EEFSEC: variants seen among roughly 807,000 people sequenced by gnomAD.
The protein encoded by EEFSEC is eukaryotic elongation factor, selenocysteine-tRNA specific.
In EEFSEC, 43 loss-of-function variants were observed where a neutral mutation model predicts 42.1. That is an observed-to-expected ratio of 1.02 (90% CI 0.80 to 1.32). EEFSEC has a LOEUF of 1.32. EEFSEC is among the 40% of genes most tolerant of loss of function. The probability of loss-of-function intolerance (pLI) is 0.00; values close to 1 mark genes in which losing one functional copy is unlikely to be tolerated. For missense variants in EEFSEC, 745 were observed against 803.6 expected (o/e 0.93, Z 0.88); for synonymous variants, 354 against 339.1 (o/e 1.04, Z -0.48).
At chr3:128,392,552 G>A (rs56163929) in intron 6 of EEFSEC, among the ~76,000 whole-genome samples, 2 of 152,154 alleles carry the variant, frequency 1.3e-5, no homozygotes, top group South Asian at 2.1e-4. Flanking sequence ...CGAGGCACGC[G>A]GCATCTCGCT....
intron 1 of EEFSEC, among the ~76,000 whole-genome samples, chr3:128,154,271 C>G (rs1304002478): frequency 6.6e-6 from 1 of 152,000 alleles, no homozygotes. Context: ...AAAGGCTCCA[C>G]GTCAATACAA....
At chr3:128,278,379 G>T (rs2066490187) in intron 4 of EEFSEC, among the ~76,000 whole-genome samples, 1 of 152,216 alleles carries the variant, frequency 6.6e-6, no homozygotes. Context: ...CCAGATCTCT[G>T]GCTTCAGTGA....
intron 4 of EEFSEC, among the ~76,000 whole-genome samples, chr3:128,305,497 T>G (rs2066816780): frequency 6.6e-6 from 1 of 152,194 alleles, no homozygotes; most frequent in African/African-American, 2.4e-5. Context: ...AATTTGATAC[T>G]TTTTGGGGGT....
the EEFSEC span, among the ~76,000 whole-genome samples, chr3:128,425,328 G>T: frequency 6.6e-6 from 1 of 152,204 alleles, no homozygotes; most frequent in South Asian, 2.1e-4. Flanking sequence ...GCTTGTGGCT[G>T]CACGTCCCAG....
intron 6 of EEFSEC, among the ~76,000 whole-genome samples, chr3:128,369,392 T>C (rs1318474206): frequency 6.6e-6 from 1 of 152,202 alleles, no homozygotes; most frequent in Non-Finnish European, 1.5e-5. Flanking sequence ...TAAAATGTGC[T>C]CTCTCCAACC....
intron 4 of EEFSEC, among the ~76,000 whole-genome samples, chr3:128,276,766 G>A (rs551029521): frequency 6.6e-6 from 1 of 152,278 alleles, no homozygotes; most frequent in South Asian, 2.1e-4. Flanking sequence ...AGGCGATTGA[G>A]AATGGGAGGG....
chr3:128,211,691 T>C (rs941084922), intron 1 of EEFSEC, among the ~76,000 whole-genome samples: 1 of 151,024 alleles, frequency 6.6e-6, no homozygotes, highest in Non-Finnish European at 1.5e-5. Flanking sequence ...AATTTTTGTA[T>C]TTTTTGTAGA....
chr3:128,189,558 CTTT>C (rs3037702), intron 1 of EEFSEC, among the ~76,000 whole-genome samples: 44 of 137,142 alleles, frequency 3.2e-4, no homozygotes, highest in Admixed American at 8.0e-4. Flanking sequence ...GACTTCTTTT[CTTT>C]TTTTTTTTTT....
In EEFSEC at chr3:128,246,930, C is replaced by T; in HGVS notation, c.411C>T (p.Ala137=). The T allele has an allele frequency of 3.1e-6, 5 of 1,614,200 alleles. No homozygotes were observed. The highest frequency in any genetic ancestry group is 4.2e-6 in the Non-Finnish European group (5 of 1,180,034). ...SAECLVIGQI[A]CQKLVVVLNK... ...AATGCCTTGTGATCGGCCAGATTGC[C>T]TGCCAGAAGCTGGTCGTGGTGCTGA... Residue 137 remains alanine (A), a synonymous_variant, in exon 2 of 7, where the codon GCC becomes GCT. Coordinates refer to ENST00000254730, the MANE Select transcript of EEFSEC (RefSeq NM_021937.5).
chr3:128,307,287 G>A (rs970229278), intron 4 of EEFSEC, among the ~76,000 whole-genome samples: 1 of 152,246 alleles, frequency 6.6e-6, no homozygotes, highest in African/African-American at 2.4e-5. Flanking sequence ...ATGACACCCA[G>A]TTCAGAGTCC....
At chr3:128,206,106 A>G (rs1488528700) in intron 1 of EEFSEC, among the ~76,000 whole-genome samples, 5 of 152,176 alleles carry the variant, frequency 3.3e-5, no homozygotes, top group Admixed American at 2.0e-4. Context: ...TTCATTTTAT[A>G]TCCTATGTTC....
intron 6 of EEFSEC, among the ~76,000 whole-genome samples, chr3:128,395,891 A>T (rs1252688071): frequency 6.6e-6 from 1 of 152,108 alleles, no homozygotes; most frequent in African/African-American, 2.4e-5. Flanking sequence ...TATTCCCACC[A>T]TCCCTCACCC....
chr3:128,310,736 T>G (rs1253935450), intron 4 of EEFSEC, among the ~76,000 whole-genome samples: 2 of 152,246 alleles, frequency 1.3e-5, no homozygotes, highest in Non-Finnish European at 2.9e-5. Flanking sequence ...CCTTTTCACT[T>G]GAAAACCACT....
At chr3:128,236,499 A>C (rs758625612) in intron 1 of EEFSEC, among the ~76,000 whole-genome samples, 1 of 152,244 alleles carries the variant, frequency 6.6e-6, no homozygotes, top group Non-Finnish European at 1.5e-5. Flanking sequence ...TCAACATGTT[A>C]GCTCTTTGTA....
intron 1 of EEFSEC, among the ~76,000 whole-genome samples, chr3:128,209,827 G>A (rs2065737383): frequency 6.6e-6 from 1 of 152,224 alleles, no homozygotes; most frequent in African/African-American, 2.4e-5. Flanking sequence ...GTAATAAGTA[G>A]ATTATGTCCC....
chr3:128,349,105 C>T (rs1295616751), intron 5 of EEFSEC, among the ~76,000 whole-genome samples: 1 of 152,182 alleles, frequency 6.6e-6, no homozygotes, highest in Non-Finnish European at 1.5e-5. Flanking sequence ...CATTCCAGGT[C>T]CAGGGACTGC....
the EEFSEC span, among the ~76,000 whole-genome samples, chr3:128,414,762 G>A: frequency 2.6e-5 from 4 of 152,222 alleles, no homozygotes; most frequent in Non-Finnish European, 5.9e-5. Flanking sequence ...GATTGGTTTG[G>A]GGAAGACATG....
At chr3:128,292,594 G>A (rs2107987121) in intron 4 of EEFSEC, among the ~76,000 whole-genome samples, 1 of 151,850 alleles carries the variant, frequency 6.6e-6, no homozygotes, top group Admixed American at 6.5e-5. Context: ...TTGGCATAAA[G>A]TTAATTGTAA....
intron 4 of EEFSEC, among the ~76,000 whole-genome samples, chr3:128,310,465 A>G (rs2066877609): frequency 6.6e-6 from 1 of 152,236 alleles, no homozygotes; most frequent in African/African-American, 2.4e-5. Context: ...ATTGCCTCTT[A>G]GCAACCTCGT....
Sources: gnomAD v4.1 joint callset for allele counts (sites outside exome capture counted in the v4.1 genomes callset) on GRCh38, gnomAD v4.1.1 for gene constraint, MANE v1.5 for transcripts, NCBI Gene and HGNC (gene_info 2026-07-23, HGNC 2026-07-21) for gene names.